Variants in FRMPD3 observed in about 807,000 individuals in gnomAD.
FRMPD3 encodes FERM and PDZ domain-containing protein 3.
In FRMPD3, 42 loss-of-function variants were observed where a neutral mutation model predicts 97.9. The observed-to-expected ratio is 0.43, with a 90% confidence interval of 0.34 to 0.55. The LOEUF (loss-of-function observed/expected upper bound fraction) is 0.55. Ranked by LOEUF, FRMPD3 falls within the 20% of genes least tolerant of loss-of-function variation. The pLI, the probability that FRMPD3 is intolerant of heterozygous loss-of-function variation, is 0.03. For synonymous variants in FRMPD3, 577 were observed against 581.1 expected, an observed-to-expected ratio of 0.99 and a Z score of 0.10; for missense variants, 1,303 against 1,457.7, an observed-to-expected ratio of 0.89 and a Z score of 1.73.
intron 4 of FRMPD3, among the ~76,000 whole-genome samples, chrX:107,537,299 T>G (rs1263853547): frequency 8.9e-6 from 1 of 111,881 alleles, no homozygotes; most frequent in Non-Finnish European, 1.9e-5. Context: ...TTCCCTAATT[T>G]TTTCATTCAC....
At position 107,601,434 on chromosome X, in the gene FRMPD3, C is replaced by T; in HGVS notation, c.3395C>T (p.Ala1132Val). 9.3e-6 allele frequency: 11 copies of T among 1,180,400 alleles called. No homozygotes were observed. Among genetic ancestry groups the T allele is most frequent in the Non-Finnish European group, 1.2e-5 (11 of 880,670 alleles). Residue 1132 changes from alanine to valine, a missense_variant, in exon 15 of 15, where the codon GCT becomes GTT. Transcript: ENST00000683843. ...SLVPRATYPM[A>V]LQSPSCQSRS... Reference sequence around the variant, plus strand: ...GTTCCCCGAGCTACCTACCCCATGGCTCTGCAGAGCCCCAGCTGCCAGTCA... The same window carrying T: ...GTTCCCCGAGCTACCTACCCCATGGTTCTGCAGAGCCCCAGCTGCCAGTCA...
chrX:107,576,407 G>A lies in FRMPD3; in HGVS notation c.1389G>A (p.Met463Ile). 8.3e-7 allele frequency: 1 copy of A among 1,210,793 alleles called. No homozygotes were observed. The highest frequency in any genetic ancestry group is 1.1e-6 in the Non-Finnish European group (1 of 895,354). Residue 463 changes from methionine to isoleucine, a missense_variant, in exon 13 of 15, where the codon ATG becomes ATA. Around this residue, in one of 3 missense-constraint regions of FRMPD3, gnomAD observed 535 missense variants for 618.6 expected, o/e 0.86. Coordinates refer to ENST00000683843, the MANE Select transcript of FRMPD3 (RefSeq NM_001388459.1). ...GCCTCTTGCTGGATTCCAGGAAGATGGTCTTCTCCAGGCCTGCCAGCCAGC... is the reference window on the plus strand; with the variant it reads ...GCCTCTTGCTGGATTCCAGGAAGATAGTCTTCTCCAGGCCTGCCAGCCAGC... ...YCRLLLDSRKMVFSRPASQPL... is the reference protein window; with the variant it reads ...YCRLLLDSRKIVFSRPASQPL...
rs1268541061 is a variant in FRMPD3, at chrX:107,597,432, C to T, written c.1553C>T (p.Pro518Leu). ...TSPRKSSRCT[P>L]PPADSELVSF... ...CCCAGGAAATCGAGCCGCTGCACGCCCCCACCTGCCGACTCTGAGCTTGTC... is the reference window on the plus strand; with the variant it reads ...CCCAGGAAATCGAGCCGCTGCACGCTCCCACCTGCCGACTCTGAGCTTGTC... Residue 518 changes from proline to leucine, a missense_variant, in exon 14 of 15, where the codon CCC becomes CTC. Transcript: ENST00000683843. The T allele has an allele frequency of 9.1e-6, 11 of 1,210,741 alleles. No individual in the cohort carries two copies. Among genetic ancestry groups the T allele is most frequent in the South Asian group, 1.8e-5 (1 of 56,986 alleles).
At chrX:107,494,152 A>G (rs1237097798) in intron 1 of FRMPD3, among the ~76,000 whole-genome samples, 6 of 112,166 alleles carry the variant, frequency 5.3e-5, no homozygotes, top group Non-Finnish European at 7.5e-5. Context: ...GTTGCCTGCT[A>G]TGCATTTATG....
chrX:107,584,778 T>C (rs1164404923), intron 13 of FRMPD3, among the ~76,000 whole-genome samples: 2 of 111,777 alleles, frequency 1.8e-5, no homozygotes, highest in African/African-American at 3.3e-5. Flanking sequence ...ATTTCTGAAG[T>C]CTCTGTTCTG....
chrX:107,531,217 T>C (rs1922945667), intron 3 of FRMPD3, among the ~76,000 whole-genome samples: 3 of 110,318 alleles, frequency 2.7e-5, no homozygotes, highest in Admixed American at 1.9e-4. Context: ...TGAAAAGGAA[T>C]TAGAGAATAA....
intron 1 of FRMPD3, among the ~76,000 whole-genome samples, chrX:107,500,684 A>G (rs1921883076): frequency 9.1e-6 from 1 of 109,977 alleles, no homozygotes; most frequent in South Asian, 4.0e-4. Context: ...AATCTCAGCT[A>G]CTCAGGAGGC....
chrX:107,485,284 C>T (rs777230549), intron 1 of FRMPD3, among the ~76,000 whole-genome samples: 8 of 112,079 alleles, frequency 7.1e-5, no homozygotes, highest in African/African-American at 2.6e-4. Flanking sequence ...TAGGACTGGG[C>T]GAGTCTTTGC....
chrX:107,599,345 C>T (rs7889119), intron 14 of FRMPD3, among the ~76,000 whole-genome samples: 12,582 of 111,162 alleles, frequency 0.11, 1,751 homozygotes, highest in African/African-American at 0.39. Flanking sequence ...GGAATAGGGA[C>T]CACGAGGGAT....
chrX:107,603,431 G>A lies in FRMPD3; in HGVS notation c.*58G>A. The A allele has an allele frequency of 9.0e-7, 1 of 1,115,090 alleles. No homozygotes were observed. Among genetic ancestry groups the A allele is most frequent in the Non-Finnish European group, 1.2e-6 (1 of 847,297 alleles). The allele number at this position is 1,115,090 out of a possible 1,213,427, so 91.9% of individuals were successfully genotyped here. A position where few individuals can be genotyped will look rare whatever the true frequency, so the allele number is the denominator to read the frequency against. On this transcript the variant is annotated 3_prime_UTR_variant, in exon 15 of 15. Coordinates refer to ENST00000683843, the MANE Select transcript of FRMPD3 (RefSeq NM_001388459.1). The stretch of plus-strand genomic sequence containing the variant: ...CCATGGCCCCAGGTTTGAGCTTTGT[G>A]GTCCTTGCATCTTGTGGTGAGTGTG...
intron 13 of FRMPD3, among the ~76,000 whole-genome samples, chrX:107,595,791 A>T (rs1924139622): frequency 9.1e-6 from 1 of 109,919 alleles, no homozygotes; most frequent in Non-Finnish European, 1.9e-5. Flanking sequence ...ACAAAAAATT[A>T]GTCGGGCGTG....
chrX:107,520,165 G>A (rs771411827), intron 1 of FRMPD3, among the ~76,000 whole-genome samples: 40 of 110,991 alleles, frequency 3.6e-4, no homozygotes, highest in African/African-American at 1.2e-3. Context: ...CATATGGGAG[G>A]GTGGGCTTAG....
At chrX:107,571,485 G>C (rs1265361663) in intron 12 of FRMPD3, among the ~76,000 whole-genome samples, 1 of 112,325 alleles carries the variant, frequency 8.9e-6, no homozygotes, top group East Asian at 2.8e-4. Flanking sequence ...GGATGACAAG[G>C]AGAGGCTCCT....
intron 10 of FRMPD3, among the ~76,000 whole-genome samples, chrX:107,561,395 T>C (rs1419891763): frequency 3.6e-5 from 4 of 111,918 alleles, no homozygotes; most frequent in Non-Finnish European, 5.6e-5. Context: ...GTACCTCTAA[T>C]TCATCAGTCC....
chrX:107,499,519 A>C (rs1438988474), intron 1 of FRMPD3, among the ~76,000 whole-genome samples: 1 of 112,253 alleles, frequency 8.9e-6, no homozygotes, highest in Non-Finnish European at 1.9e-5. Context: ...ATGGGAGTCC[A>C]TTAATAATCC....
At chrX:107,531,105 G>A (rs1295778586) in intron 3 of FRMPD3, among the ~76,000 whole-genome samples, 5 of 98,560 alleles carry the variant, frequency 5.1e-5, no homozygotes, top group African/African-American at 2.2e-4. Flanking sequence ...TTACCCCTGT[G>A]CACATTACAC....
At chrX:107,527,604 G>C (rs1922745258) in intron 2 of FRMPD3, among the ~76,000 whole-genome samples, 1 of 112,282 alleles carries the variant, frequency 8.9e-6, no homozygotes, top group Non-Finnish European at 1.9e-5. Flanking sequence ...CTGAAGTACT[G>C]TTTTGTTTCG....
intron 1 of FRMPD3, among the ~76,000 whole-genome samples, chrX:107,498,240 C>T (rs1460072216): frequency 1.8e-5 from 2 of 112,297 alleles, no homozygotes; most frequent in Admixed American, 9.4e-5. Flanking sequence ...GAATTCAGAT[C>T]GCCTGAAGGA....
rs1474984211 is a variant in FRMPD3, at chrX:107,461,768, C to CAT, written c.-8+11767_-8+11768dup. Among the ~76,000 whole-genome samples the CAT allele has an allele frequency of 7.9e-4, 78 of 98,310 alleles. 1 individual carries two copies. Among genetic ancestry groups the CAT allele is most frequent in the African/African-American group, 3.0e-3 (74 of 24,697 alleles). The allele number at this position is 98,310 out of a possible 115,157, so 85.4% of individuals were successfully genotyped here. ...ACAGCTGGAATTCATTATACATATA[C>CAT]ATATACATATACATATACATATACA... On this transcript the variant is annotated intron_variant, in intron 1 of 14. Transcript: ENST00000683843.
Sources: allele counts gnomAD v4.1 joint callset (sites outside exome capture counted in the v4.1 genomes callset), GRCh38; gene constraint gnomAD v4.1.1; regional missense constraint gnomAD v4.1.1; transcripts MANE v1.5; gene names NCBI Gene and HGNC (gene_info 2026-07-23, HGNC 2026-07-21).